Variants in DUOXA1 observed in about 807,000 individuals in gnomAD.
The protein encoded by DUOXA1 is dual oxidase maturation factor 1.
A neutral mutation model predicts 26.6 loss-of-function variants in DUOXA1; 19 were observed. That is an observed-to-expected ratio of 0.71 (90% CI 0.50 to 1.05). DUOXA1 has a LOEUF of 1.05. Ranked by LOEUF, DUOXA1 falls within the 50% of genes least tolerant of loss-of-function variation. The pLI is 0.00. For synonymous variants in DUOXA1, 166 were observed against 177.0 expected (o/e 0.94, Z 0.49); for missense variants, 403 against 427.5 (o/e 0.94, Z 0.51).
In DUOXA1 at chr15:45,118,396, G is replaced by T. The variant is rs1188188857; in HGVS notation, c.*710C>A. ...CTAGCCCAGCTGAGTGGGGTGGGAA[G>T]GAATAGCGTTTTGGAGTTGATTCCC... is the stretch of plus-strand genomic sequence containing the variant. On this transcript the variant is annotated 3_prime_UTR_variant, in exon 9 of 9. Transcript: ENST00000560572. 9.4e-7 allele frequency: 1 copy of T among 1,065,848 alleles called. No individual in the cohort carries two copies. Among genetic ancestry groups the T allele is most frequent in the African/African-American group, 1.7e-5 (1 of 60,124 alleles). The allele number at this position is 1,065,848 out of a possible 1,614,324, so 66.0% of individuals were successfully genotyped here.
At position 45,117,585 on chromosome 15, in the gene DUOXA1, T is replaced by C; in HGVS notation, c.*1521A>G. 1 of 1,610,090 alleles carries C rather than the reference T, an allele frequency of 6.2e-7. No homozygotes were observed. The highest frequency in any genetic ancestry group is 8.5e-7 in the Non-Finnish European group (1 of 1,178,050). On this transcript the variant is annotated 3_prime_UTR_variant, in exon 9 of 9. Transcript: ENST00000560572. Reference sequence around the variant, plus strand: ...CAAAAGATGGAAGAAGGCCCGGGCATCACGCCTGTAATCCCAGCACTTTGG... The same window carrying C: ...CAAAAGATGGAAGAAGGCCCGGGCACCACGCCTGTAATCCCAGCACTTTGG...
In DUOXA1 at chr15:45,118,517, C is replaced by T. The variant is rs995089383; in HGVS notation, c.*589G>A. ...ATAAATCCCAAGATTCTTGGCAAGT[C>T]TTGCAATCTTATGTAGCAAATTTGG... is the stretch of plus-strand genomic sequence containing the variant. On this transcript the variant is annotated 3_prime_UTR_variant, in exon 9 of 9. Transcript: ENST00000560572. 3.0e-6 allele frequency: 3 copies of T among 995,166 alleles called. No homozygotes were observed. In the African/African-American group the frequency reaches 5.2e-5, roughly 17 times the overall value. The allele number at this position is 995,166 out of a possible 1,614,324, so 61.6% of individuals were successfully genotyped here. A position where few individuals can be genotyped will look rare whatever the true frequency, so the allele number is the denominator to read the frequency against.
In DUOXA1 at chr15:45,119,297, C is replaced by A. The variant is rs148849457; in HGVS notation, c.841G>T (p.Ala281Ser). 9.2e-5 allele frequency: 149 copies of A among 1,613,986 alleles called. No individual in the cohort carries two copies. Among genetic ancestry groups the A allele is most frequent in the Non-Finnish European group, 1.2e-4 (140 of 1,180,000 alleles). Residue 281 changes from alanine to serine, a missense_variant, in exon 9 of 9, where the codon GCT becomes TCT. Coordinates refer to ENST00000560572, the MANE Select transcript of DUOXA1 (RefSeq NM_001276266.2). Reference protein sequence around the residue: ...AHRMQPHRLKAFFNQSVDEDP... With the variant: ...AHRMQPHRLKSFFNQSVDEDP... ...TCATCCACACTCTGGTTGAAGAAAG[C>A]CTTCAGCCTGTGAGGCTGCATCCTG...
At position 45,122,962 on chromosome 15, in the gene DUOXA1, A is replaced by C; in HGVS notation, c.53T>G (p.Phe18Cys). Reference sequence around the variant, plus strand: ...GCTGGCCAAAGTGGTGTCCATCGGGAAGGTTGGCTTGGGGCCAGCATAGAA... The same window carrying C: ...GCTGGCCAAAGTGGTGTCCATCGGGCAGGTTGGCTTGGGGCCAGCATAGAA... Reference protein sequence around the residue: ...FPFYAGPKPTFPMDTTLASII... With the variant: ...FPFYAGPKPTCPMDTTLASII... Residue 18 changes from phenylalanine to cysteine, a missense_variant, in exon 4 of 9, where the codon TTC becomes TGC. Coordinates refer to ENST00000560572, the MANE Select transcript of DUOXA1 (RefSeq NM_001276266.2). 2 of 1,613,448 alleles carry C rather than the reference A, an allele frequency of 1.2e-6. No individual in the cohort carries two copies. The highest frequency in any genetic ancestry group is 1.7e-6 in the Non-Finnish European group (2 of 1,179,700).
intron 3 of DUOXA1, chr15:45,128,764 G>A (rs1895901424): frequency 1.3e-5 from 2 of 152,160 alleles, no homozygotes; most frequent in Admixed American, 6.5e-5. Flanking sequence ...AAACTGGGAT[G>A]GCGATTCGAT....
intron 3 of DUOXA1, among the ~76,000 whole-genome samples, chr15:45,127,213 G>A (rs1895750507): frequency 6.6e-6 from 1 of 152,162 alleles, no homozygotes; most frequent in Non-Finnish European, 1.5e-5. Flanking sequence ...GAACACATGT[G>A]ATACGCTGGA....
intron 5 of DUOXA1, among the ~76,000 whole-genome samples, chr15:45,121,501 A>G (rs142156354): frequency 1.3e-5 from 2 of 152,352 alleles, no homozygotes; most frequent in Non-Finnish European, 2.9e-5. Context: ...CAGGCAAGGC[A>G]AACGCAGATA....
chr15:45,125,322 C>T (rs141641317), intron 3 of DUOXA1, among the ~76,000 whole-genome samples: 5 of 152,054 alleles, frequency 3.3e-5, no homozygotes, highest in Non-Finnish European at 5.9e-5. Flanking sequence ...CCCATCATAG[C>T]GTCCCAGCTT....
chr15:45,120,373 G>A (rs769327636), intron 7 of DUOXA1, 53 bp from the exon 8 acceptor site: 1 of 1,604,672 alleles, frequency 6.2e-7, no homozygotes. Flanking sequence ...ACCTGCTGGT[G>A]AATTTGGATG....
In DUOXA1 at chr15:45,120,211, GC is replaced by G; in HGVS notation, c.663del (p.Leu222SerfsTer34). 6.2e-7 allele frequency: 1 copy of G among 1,614,118 alleles called. No homozygotes were observed. Among genetic ancestry groups the G allele is most frequent in the Non-Finnish European group, 8.5e-7 (1 of 1,180,000 alleles). ...LATGIFQLLA[L>X]LFFSMATSLT... ...AGTGATGTGGCCATGGAGAAGAAGA[GC>G]AGAGCCAACAGCTGGAAGATGCCCG... is the stretch of plus-strand genomic sequence containing the variant. On this transcript the variant is annotated frameshift_variant, in exon 8 of 9. Transcript: ENST00000560572. LOFTEE classifies it high-confidence loss of function.
chr15:45,118,499 C>A lies in DUOXA1; in HGVS notation c.*607G>T, dbSNP rs558418200. 24 of 997,820 alleles carry A rather than the reference C, an allele frequency of 2.4e-5. No individual in the cohort carries two copies. Among genetic ancestry groups the A allele is most frequent in the Non-Finnish European group, 2.9e-5 (24 of 838,536 alleles). 61.8% of individuals were successfully genotyped at this position (997,820 alleles called of 1,614,324 possible). A position where few individuals can be genotyped will look rare whatever the true frequency, so the allele number is the denominator to read the frequency against. ...TCAGCAAGGCATAGAAAGATAAATC[C>A]CAAGATTCTTGGCAAGTCTTGCAAT... On this transcript the variant is annotated 3_prime_UTR_variant, in exon 9 of 9. Coordinates refer to ENST00000560572, the MANE Select transcript of DUOXA1 (RefSeq NM_001276266.2).
chr15:45,122,519 A>C (rs545761426), intron 4 of DUOXA1, among the ~76,000 whole-genome samples: 2 of 151,916 alleles, frequency 1.3e-5, no homozygotes. Flanking sequence ...TCAGCCTCCC[A>C]AGTAGCTGCA....
chr15:45,119,980 TA>T, intron 8 of DUOXA1, 122 bp downstream of exon 8: 1 of 1,128,010 alleles, frequency 8.9e-7, no homozygotes, highest in Non-Finnish European at 1.3e-6. Context: ...GGTGGGACTT[TA>T]AAGAGGGCAA....
At chr15:45,124,075 T>C (rs1895473404) in intron 3 of DUOXA1, among the ~76,000 whole-genome samples, 1 of 152,148 alleles carries the variant, frequency 6.6e-6, no homozygotes, top group African/African-American at 2.4e-5. Flanking sequence ...GAGTCAATGA[T>C]CCCAGTTTTC....
rs267604232 is a variant in DUOXA1 at position 45,120,116 on chromosome 15, G to A, written c.759C>T (p.Ile253=). Residue 253 remains isoleucine (I), a synonymous_variant, in exon 8 of 9, where the codon ATC becomes ATT. Coordinates refer to ENST00000560572, the MANE Select transcript of DUOXA1 (RefSeq NM_001276266.2). ...GCTGGGTCTTACCTGTGGTCAATGT[G>A]ATCCAGAAGGCAGGCCCATGGTGAG... ...LHTHHGPAFW[I]TLTTGLLCVL... 6.2e-7 allele frequency: 1 copy of A among 1,613,938 alleles called. No individual in the cohort carries two copies. The highest frequency in any genetic ancestry group is 1.1e-5 in the South Asian group (1 of 91,072).
chr15:45,126,492 C>T (rs1895689913), intron 3 of DUOXA1, among the ~76,000 whole-genome samples: 1 of 152,246 alleles, frequency 6.6e-6, no homozygotes, highest in Non-Finnish European at 1.5e-5. Flanking sequence ...TCTGATGCCA[C>T]TGGGCCAATG....
Position 45,120,691 on chromosome 15 carries a change from T to TCGA in DUOXA1, c.454_455insTCG (p.Pro151_Asp152insVal). On this transcript the variant is annotated inframe_insertion, in exon 7 of 9. Coordinates refer to ENST00000560572, the MANE Select transcript of DUOXA1 (RefSeq NM_001276266.2). ...CTTCTCAGCTAGGTACAACACAGGG[T>TCGA]CTGGCAGCCCCTTCTCCAGAGCCTT... is the stretch of plus-strand genomic sequence containing the variant. The TCGA allele has an allele frequency of 1.2e-6, 2 of 1,614,050 alleles. No individual in the cohort carries two copies. The highest frequency in any genetic ancestry group is 1.7e-6 in the Non-Finnish European group (2 of 1,179,982).
chr15:45,117,899 C>T lies in DUOXA1; in HGVS notation c.*1207G>A, dbSNP rs1894777700. On this transcript the variant is annotated 3_prime_UTR_variant, in exon 9 of 9. Coordinates refer to ENST00000560572, the MANE Select transcript of DUOXA1 (RefSeq NM_001276266.2). The stretch of plus-strand genomic sequence containing the variant: ...CTCCCAGACTTAAAATGTATCACCA[C>T]TAACCTGTGAGGGGGACCCAATCTG... The T allele has an allele frequency of 5.0e-6, 8 of 1,613,300 alleles. No homozygotes were observed. Among genetic ancestry groups the T allele is most frequent in the Non-Finnish European group, 5.9e-6 (7 of 1,180,054 alleles).
At position 45,119,312 on chromosome 15, in the gene DUOXA1, G is replaced by C. The variant is rs1228266081; in HGVS notation, c.826C>G (p.Pro276Ala). 1 of 1,613,906 alleles carries C rather than the reference G, an allele frequency of 6.2e-7. No homozygotes were observed. Among genetic ancestry groups the C allele is most frequent in the Non-Finnish European group, 8.5e-7 (1 of 1,179,924 alleles). ...LAMAVAHRMQPHRLKAFFNQS... is the reference protein window; with the variant it reads ...LAMAVAHRMQAHRLKAFFNQS... ...TTGAAGAAAGCCTTCAGCCTGTGAG[G>C]CTGCATCCTGTGGGCCACCGCCATA... The change falls in exon 9 of 9, where the codon CCT becomes GCT. Residue 276 changes from proline to alanine, a missense_variant. Coordinates refer to ENST00000560572, the MANE Select transcript of DUOXA1 (RefSeq NM_001276266.2).
Sources: allele counts gnomAD v4.1 joint callset (sites outside exome capture counted in the v4.1 genomes callset), GRCh38; gene constraint gnomAD v4.1.1; transcripts MANE v1.5; gene names NCBI Gene and HGNC (gene_info 2026-07-23, HGNC 2026-07-21).